The following RBFOX1 variants were observed in gnomAD, a reference collection of about 807,000 sequenced individuals.
RBFOX1 encodes the protein RNA binding protein fox-1 homolog 1.
A neutral mutation model predicts 57.7 loss-of-function variants in RBFOX1; 8 were observed. The ratio of observed to expected loss-of-function variants is 0.14; its 90% confidence interval spans 0.08 to 0.25. The LOEUF (loss-of-function observed/expected upper bound fraction) is 0.25, where lower values mean the gene tolerates loss of function less well. RBFOX1 is among the 10% of genes least tolerant of loss of function. The pLI, the probability that RBFOX1 is intolerant of heterozygous loss-of-function variation, is 1.00. For synonymous variants in RBFOX1, 326 were observed against 222.4 expected, an observed-to-expected ratio of 1.47 and a Z score of -4.15; for missense variants, 611 against 548.5, an observed-to-expected ratio of 1.11 and a Z score of -1.14.
At chr16:7,219,723 C>T (rs776788055) in intron 4 of RBFOX1, among the ~76,000 whole-genome samples, 3 of 152,152 alleles carry the variant, frequency 2.0e-5, no homozygotes, top group South Asian at 2.1e-4. Context: ...AGCAGGGAAT[C>T]TTTAAGAGTG....
At chr16:5,545,398 A>G (rs2045152715) in intron 2 of RBFOX1, among the ~76,000 whole-genome samples, 3 of 152,216 alleles carry the variant, frequency 2.0e-5, no homozygotes, top group Admixed American at 2.0e-4. Flanking sequence ...AACCTGACAG[A>G]GAAATTATAA....
intron 1 of RBFOX1, among the ~76,000 whole-genome samples, chr16:6,225,668 T>G (rs573824956): frequency 6.6e-6 from 1 of 152,282 alleles, no homozygotes; most frequent in South Asian, 2.1e-4. Flanking sequence ...TTTGCATAAT[T>G]TAGGCATAAA....
In RBFOX1 at chr16:7,310,902, G is replaced by C. The variant is rs148969674; in HGVS notation, c.28-207245G>C. Among the ~76,000 whole-genome samples the C allele has an allele frequency of 6.3e-4, 96 of 152,264 alleles. No homozygotes were observed. The East Asian group carries it at 0.018, about 29-fold the overall frequency. ...GTCCTCACAGATAGTCTGTTACGTT[G>C]TTCATCTCTTTGCCATCTTGTGAAC... On this transcript the variant is annotated intron_variant, in intron 4 of 15. Transcript: ENST00000550418.
intron 1 of RBFOX1, among the ~76,000 whole-genome samples, chr16:5,268,596 C>G (rs910504814): frequency 6.6e-6 from 1 of 152,202 alleles, no homozygotes; most frequent in Admixed American, 6.5e-5. Flanking sequence ...TTATGAGCAA[C>G]TGATGAAGTC....
At chr16:6,740,288 A>T (rs1264584684) in intron 3 of RBFOX1, among the ~76,000 whole-genome samples, 1 of 152,182 alleles carries the variant, frequency 6.6e-6, no homozygotes, top group Non-Finnish European at 1.5e-5. Flanking sequence ...ATGTGCAAAA[A>T]ACCTACATCT....
chr16:5,772,244 C>T (rs915403276), intron 3 of RBFOX1, among the ~76,000 whole-genome samples: 9 of 152,256 alleles, frequency 5.9e-5, no homozygotes, highest in East Asian at 5.8e-4. Context: ...CACCGGTTGC[C>T]GGAAGAAGAG....
At chr16:6,731,510 G>C (rs921246120) in intron 3 of RBFOX1, among the ~76,000 whole-genome samples, 1 of 152,112 alleles carries the variant, frequency 6.6e-6, no homozygotes, top group Non-Finnish European at 1.5e-5. Flanking sequence ...CTCAGTTCTT[G>C]AGAGTATTTC....
At chr16:5,796,021 T>C (rs1597289585) in intron 3 of RBFOX1, among the ~76,000 whole-genome samples, 2 of 152,204 alleles carry the variant, frequency 1.3e-5, no homozygotes, top group Non-Finnish European at 2.9e-5. Context: ...GTGCAATGCA[T>C]TGTAGATTTC....
At chr16:5,800,518 G>A (rs1004604536) in intron 3 of RBFOX1, among the ~76,000 whole-genome samples, 2 of 152,110 alleles carry the variant, frequency 1.3e-5, no homozygotes, top group Non-Finnish European at 2.9e-5. Flanking sequence ...AATGGCAAGG[G>A]CTCTCCAGCA....
intron 2 of RBFOX1, among the ~76,000 whole-genome samples, chr16:5,551,198 C>G (rs564276451): frequency 6.6e-6 from 1 of 152,182 alleles, no homozygotes; most frequent in African/African-American, 2.4e-5. Context: ...GCTCTTACCC[C>G]GTGACTTCCT....
intron 3 of RBFOX1, among the ~76,000 whole-genome samples, chr16:7,047,460 G>A (rs1233607422): frequency 6.6e-6 from 1 of 152,034 alleles, no homozygotes; most frequent in African/African-American, 2.4e-5. Flanking sequence ...GCATTGCATT[G>A]TTTGTCTCTG....
At chr16:6,509,218 C>G (rs924813169) in intron 2 of RBFOX1, among the ~76,000 whole-genome samples, 1 of 152,084 alleles carries the variant, frequency 6.6e-6, no homozygotes, top group African/African-American at 2.4e-5. Flanking sequence ...GGGAGCTGGC[C>G]AACAGATTTA....
intron 3 of RBFOX1, among the ~76,000 whole-genome samples, chr16:5,809,286 C>G (rs1331289729): frequency 1.3e-5 from 2 of 152,112 alleles, no homozygotes; most frequent in African/African-American, 2.4e-5. Flanking sequence ...GTCTAAAACA[C>G]CAAAAGCAAT....
intron 1 of RBFOX1, among the ~76,000 whole-genome samples, chr16:6,238,523 C>G (rs1333550781): frequency 1.3e-5 from 2 of 152,166 alleles, no homozygotes; most frequent in Non-Finnish European, 2.9e-5. Context: ...TGTCCAAACC[C>G]TATCCGTAGC....
intron 4 of RBFOX1, among the ~76,000 whole-genome samples, chr16:5,909,008 C>G (rs1304023304): frequency 6.6e-6 from 1 of 151,384 alleles, no homozygotes; most frequent in Non-Finnish European, 1.5e-5. Flanking sequence ...TCCTCCAGAA[C>G]TGTGAGAAAT....
intron 3 of RBFOX1, among the ~76,000 whole-genome samples, chr16:5,816,620 TA>T (rs1209245388): frequency 6.6e-6 from 1 of 152,062 alleles, no homozygotes; most frequent in Non-Finnish European, 1.5e-5. Flanking sequence ...TTCGTTTCTA[TA>T]AAAAAATACA....
intron 2 of RBFOX1, among the ~76,000 whole-genome samples, chr16:6,631,740 G>A (rs550244476): frequency 1.1e-4 from 16 of 152,304 alleles, no homozygotes; most frequent in African/African-American, 3.6e-4. Flanking sequence ...ATGAGCTGGT[G>A]TCTGAACTGA....
At chr16:7,363,507 A>T (rs2097371075) in intron 4 of RBFOX1, among the ~76,000 whole-genome samples, 1 of 148,904 alleles carries the variant, frequency 6.7e-6, no homozygotes, top group Admixed American at 6.8e-5. Flanking sequence ...AAAAAAAAAT[A>T]AGTAAAGGCC....
At chr16:6,632,456 G>A (rs569946409) in intron 2 of RBFOX1, among the ~76,000 whole-genome samples, 112 of 152,318 alleles carry the variant, frequency 7.4e-4, no homozygotes, top group Non-Finnish European at 1.3e-3. Flanking sequence ...TGGTTATGAG[G>A]ATAGTGTTAC....
Sources: gnomAD v4.1 joint callset for allele counts (sites outside exome capture counted in the v4.1 genomes callset) on GRCh38, gnomAD v4.1.1 for gene constraint, MANE v1.5 for transcripts, NCBI Gene and HGNC (gene_info 2026-07-23, HGNC 2026-07-21) for gene names.